Variants in CNPY1 observed in about 807,000 individuals in gnomAD.
CNPY1 encodes the protein canopy FGF signaling regulator 1.
In CNPY1, 14 loss-of-function variants were observed where a neutral mutation model predicts 14.4. That is an observed-to-expected ratio of 0.97 (90% CI 0.64 to 1.52). The LOEUF (loss-of-function observed/expected upper bound fraction) is 1.52. CNPY1 is among the 40% of genes most tolerant of loss of function. The pLI is 0.00. For synonymous variants in CNPY1, 43 were observed against 46.5 expected, an observed-to-expected ratio of 0.92 and a Z score of 0.31; for missense variants, 129 against 131.5, an observed-to-expected ratio of 0.98 and a Z score of 0.09.
chr7:155,509,518 G>A (rs1469274999), intron 2 of CNPY1, among the ~76,000 whole-genome samples: 2 of 151,880 alleles, frequency 1.3e-5, no homozygotes, highest in Admixed American at 6.6e-5. Context: ...GGAAAGGAGG[G>A]AGAGACAGAG....
intron 2 of CNPY1, among the ~76,000 whole-genome samples, chr7:155,527,434 CTTTTTT>C (rs11364914): frequency 0.01 from 592 of 56,916 alleles, 7 homozygotes; most frequent in Middle Eastern, 0.062. Context: ...TAATTAATTT[CTTTTTT>C]TTTTTTTTTT....
intron 2 of CNPY1, among the ~76,000 whole-genome samples, chr7:155,519,960 G>A (rs970460474): frequency 1.2e-4 from 18 of 152,062 alleles, no homozygotes; most frequent in Non-Finnish European, 2.6e-4. Context: ...GGACATTTGG[G>A]GTATTGACAA....
intron 2 of CNPY1, among the ~76,000 whole-genome samples, chr7:155,529,052 C>T (rs1236978368): frequency 1.8e-5 from 2 of 109,822 alleles, no homozygotes; most frequent in South Asian, 4.0e-4. Flanking sequence ...CAGAGCGAGA[C>T]TCCATATCAA....
chr7:155,518,720 T>A (rs1196096169), intron 2 of CNPY1: 1 of 152,180 alleles, frequency 6.6e-6, no homozygotes, highest in Non-Finnish European at 1.5e-5. Context: ...ATCCTTCGTG[T>A]CATTATTTTC....
intron 2 of CNPY1, among the ~76,000 whole-genome samples, chr7:155,535,412 G>A (rs1181657971): frequency 6.6e-6 from 1 of 152,222 alleles, no homozygotes; most frequent in Non-Finnish European, 1.5e-5. Context: ...ATCCAGAGAT[G>A]GGAGAAGCCA....
intron 4 of CNPY1, 62 bp downstream of exon 4, chr7:155,506,958 A>G: frequency 8.8e-6 from 10 of 1,135,174 alleles, no homozygotes; most frequent in Non-Finnish European, 1.2e-5. Context: ...AAGACGCTGC[A>G]AGGCTGAGTG....
At chr7:155,534,318 C>G (rs1796994784) in intron 2 of CNPY1, among the ~76,000 whole-genome samples, 1 of 150,976 alleles carries the variant, frequency 6.6e-6, no homozygotes, top group South Asian at 2.1e-4. Flanking sequence ...CACACACACA[C>G]ATGCACACAC....
At chr7:155,509,777 G>T (rs1796472359) in intron 2 of CNPY1, among the ~76,000 whole-genome samples, 2 of 152,198 alleles carry the variant, frequency 1.3e-5, no homozygotes, top group South Asian at 4.1e-4. Flanking sequence ...GGGAACAGCT[G>T]GTGCACGTCC....
intron 2 of CNPY1, among the ~76,000 whole-genome samples, chr7:155,511,438 G>A (rs1796529207): frequency 6.6e-6 from 1 of 152,170 alleles, no homozygotes; most frequent in African/African-American, 2.4e-5. Flanking sequence ...ACTTCTGTGG[G>A]CCACTTGATT....
intron 2 of CNPY1, among the ~76,000 whole-genome samples, chr7:155,519,918 T>C (rs1796686554): frequency 6.6e-6 from 1 of 152,216 alleles, no homozygotes; most frequent in Admixed American, 6.5e-5. Flanking sequence ...TCAATAAGAA[T>C]TCATAGCTCC....
At chr7:155,522,159 T>C (rs1417985548) in intron 2 of CNPY1, among the ~76,000 whole-genome samples, 2 of 152,250 alleles carry the variant, frequency 1.3e-5, no homozygotes, top group African/African-American at 2.4e-5. Flanking sequence ...CCTGTTGGCA[T>C]TGACTGAGGA....
intron 2 of CNPY1, among the ~76,000 whole-genome samples, chr7:155,512,155 G>C (rs1400602209): frequency 6.6e-6 from 1 of 152,132 alleles, no homozygotes; most frequent in African/African-American, 2.4e-5. Flanking sequence ...GCCCTCCAAG[G>C]ACTGTCTCAG....
At chr7:155,510,801 A>G (rs1177051708) in intron 2 of CNPY1, among the ~76,000 whole-genome samples, 1 of 152,132 alleles carries the variant, frequency 6.6e-6, no homozygotes, top group Non-Finnish European at 1.5e-5. Context: ...GTAGATTAAC[A>G]AACAAAACTG....
chr7:155,541,171 T>C (rs1318050948), intron 2 of CNPY1, among the ~76,000 whole-genome samples: 1 of 152,184 alleles, frequency 6.6e-6, no homozygotes, highest in South Asian at 2.1e-4. Flanking sequence ...CTCTGGACTT[T>C]AGTGAGTGCT....
In CNPY1 at chr7:155,545,912, G is replaced by A. The variant is rs1051363998; in HGVS notation, c.18C>T (p.His6=). 20 of 398,490 alleles carry A rather than the reference G, an allele frequency of 5.0e-5. No homozygotes were observed. Among genetic ancestry groups the A allele is most frequent in the African/African-American group, 2.1e-4 (10 of 48,620 alleles). The allele number at this position is 398,490 out of a possible 1,614,324, so 24.7% of individuals were successfully genotyped here. A position where few individuals can be genotyped will look rare whatever the true frequency, so the allele number is the denominator to read the frequency against. The change falls in exon 2 of 5, where the codon CAC becomes CAT. Residue 6 remains histidine, a synonymous_variant. Transcript: ENST00000636446. The stretch of plus-strand genomic sequence containing the variant: ...TCTTCTGCCGAGCCTTGGTGATGTC[G>A]TGCTCTATCTCGTCCATCAGCGCCC... MDEIE[H]DITKARQKKT...
chr7:155,512,078 G>A (rs1272132952), intron 2 of CNPY1, among the ~76,000 whole-genome samples: 1 of 152,106 alleles, frequency 6.6e-6, no homozygotes, highest in African/African-American at 2.4e-5. Flanking sequence ...TTTCTATACT[G>A]TGAAGATTTT....
chr7:155,538,814 C>T (rs894667578), intron 2 of CNPY1, among the ~76,000 whole-genome samples: 2 of 152,244 alleles, frequency 1.3e-5, no homozygotes, highest in African/African-American at 4.8e-5. Context: ...GCCCACCCCA[C>T]TCAACTCACC....
intron 3 of CNPY1, among the ~76,000 whole-genome samples, chr7:155,507,471 TAAAAAA>T (rs35711313): frequency 1.3e-4 from 7 of 54,144 alleles, no homozygotes; most frequent in African/African-American, 4.9e-4. Flanking sequence ...GTTTTTAAAC[TAAAAAA>T]AAAAAAAAAA....
chr7:155,516,155 C>A (rs774221461), intron 2 of CNPY1, among the ~76,000 whole-genome samples: 1 of 152,136 alleles, frequency 6.6e-6, no homozygotes, highest in Non-Finnish European at 1.5e-5. Flanking sequence ...ACTGACCATA[C>A]CCTGAAACAA....
Sources: allele counts gnomAD v4.1 joint callset (sites outside exome capture counted in the v4.1 genomes callset), GRCh38; gene constraint gnomAD v4.1.1; transcripts MANE v1.5; gene names NCBI Gene and HGNC (gene_info 2026-07-23, HGNC 2026-07-21).